Variants in SLC10A7 observed in about 807,000 individuals in gnomAD.
SLC10A7 encodes solute carrier family 10 member 7, also known as sodium/bile acid cotransporter 7.
Under a neutral mutation model 43.2 loss-of-function variants are expected in SLC10A7, and 29 were observed. That is an observed-to-expected ratio of 0.67 (90% confidence interval 0.50 to 0.92). The LOEUF is 0.92. Among genes scored for constraint, SLC10A7 ranks in the 40% least tolerant of loss-of-function variants. SLC10A7 has a pLI of 0.00. For synonymous variants in SLC10A7, 152 were observed against 144.8 expected (o/e 1.05, Z -0.35); for missense variants, 295 against 403.2 (o/e 0.73, Z 2.30).
intron 5 of SLC10A7, among the ~76,000 whole-genome samples, chr4:146,380,684 T>G (rs937632547): frequency 6.6e-6 from 1 of 152,114 alleles, no homozygotes; most frequent in African/African-American, 2.4e-5. Flanking sequence ...TGAAATGAAT[T>G]CATTTGATTC....
At chr4:146,359,842 T>C (rs775678546) in intron 5 of SLC10A7, among the ~76,000 whole-genome samples, 77 of 152,192 alleles carry the variant, frequency 5.1e-4, no homozygotes, top group Non-Finnish European at 5.3e-4. Context: ...GATGTACTTC[T>C]ATTATAATTT....
At chr4:146,521,354 C>T (rs1738633318) in intron 1 of SLC10A7, among the ~76,000 whole-genome samples, 1 of 152,186 alleles carries the variant, frequency 6.6e-6, no homozygotes, top group African/African-American at 2.4e-5. Flanking sequence ...GTTTCATTCT[C>T]TGTAACCTCA....
intron 5 of SLC10A7, among the ~76,000 whole-genome samples, chr4:146,385,644 T>C (rs2149796345): frequency 6.6e-6 from 1 of 152,282 alleles, no homozygotes; most frequent in South Asian, 2.1e-4. Flanking sequence ...CACATGCAGG[T>C]TTGTTACCTG....
At chr4:146,489,297 G>C (rs780084144) in intron 4 of SLC10A7, among the ~76,000 whole-genome samples, 20 of 152,218 alleles carry the variant, frequency 1.3e-4, no homozygotes, top group Non-Finnish European at 2.4e-4. Context: ...GAGAAGGGCA[G>C]AGAAGGGAGG....
intron 4 of SLC10A7, among the ~76,000 whole-genome samples, chr4:146,475,605 CT>C (rs1171109961): frequency 1.3e-5 from 2 of 152,180 alleles, no homozygotes; most frequent in Non-Finnish European, 2.9e-5. Context: ...CAACCTCAGC[CT>C]CTTGGACAAC....
chr4:146,335,619 T>C lies in SLC10A7; in HGVS notation c.436-9623A>G, dbSNP rs75520923. 1.2e-3 allele frequency among the ~76,000 whole-genome samples: 175 copies of C among 152,164 alleles called. 1 individual carries two copies. In the East Asian group the frequency reaches 0.02, roughly 17 times the overall value. On this transcript the variant is annotated intron_variant, in intron 5 of 11. Transcript: ENST00000335472. Reference sequence around the variant, plus strand: ...CTGTCCCGCAGACCAACCCAGTTGATATTGGTCATCTAAACATATGAGTTA... The same window carrying C: ...CTGTCCCGCAGACCAACCCAGTTGACATTGGTCATCTAAACATATGAGTTA...
chr4:146,388,667 G>A (rs1410650611), intron 5 of SLC10A7, among the ~76,000 whole-genome samples: 1 of 151,934 alleles, frequency 6.6e-6, no homozygotes, highest in Admixed American at 6.6e-5. Flanking sequence ...GCTGAGGCAG[G>A]AGAATGGCGT....
intron 5 of SLC10A7, chr4:146,441,907 G>A (rs1403927766): frequency 2.0e-6 from 2 of 982,226 alleles, no homozygotes; most frequent in African/African-American, 3.5e-5. Context: ...AATTAACAGA[G>A]CATTTTAAAC....
intron 4 of SLC10A7, among the ~76,000 whole-genome samples, chr4:146,447,225 T>C (rs1185359898): frequency 6.6e-6 from 1 of 152,194 alleles, no homozygotes; most frequent in African/African-American, 2.4e-5. Context: ...CAGAGCAGTA[T>C]GACTGTAAAC....
At chr4:146,352,462 C>T (rs1184901269) in intron 5 of SLC10A7, among the ~76,000 whole-genome samples, 8 of 140,636 alleles carry the variant, frequency 5.7e-5, no homozygotes, top group African/African-American at 2.1e-4. Flanking sequence ...CCACTGTCAA[C>T]ATTAGACAGA....
intron 4 of SLC10A7, among the ~76,000 whole-genome samples, chr4:146,463,731 AC>A (rs1732746542): frequency 6.6e-6 from 1 of 151,766 alleles, no homozygotes; most frequent in Admixed American, 6.6e-5. Flanking sequence ...ACAGAGCAAG[AC>A]CCTGTCTTAA....
chr4:146,343,971 G>A (rs955506190), intron 5 of SLC10A7, among the ~76,000 whole-genome samples: 32 of 151,942 alleles, frequency 2.1e-4, no homozygotes, highest in African/African-American at 7.3e-4. Context: ...TTTAAATGAT[G>A]CATCATTCCA....
intron 5 of SLC10A7, among the ~76,000 whole-genome samples, chr4:146,361,631 A>G (rs1015626729): frequency 1.3e-5 from 2 of 152,206 alleles, no homozygotes; most frequent in African/African-American, 4.8e-5. Context: ...AAACAGGTCC[A>G]GACTGTGAAG....
intron 10 of SLC10A7, among the ~76,000 whole-genome samples, chr4:146,274,200 C>CTTTT (rs35963098): frequency 3.4e-5 from 4 of 118,538 alleles, no homozygotes; most frequent in African/African-American, 6.6e-5. Flanking sequence ...TCAGATTATA[C>CTTTT]TTTTTTTTTT....
chr4:146,386,496 T>C (rs1311418349), intron 5 of SLC10A7, among the ~76,000 whole-genome samples: 1 of 152,210 alleles, frequency 6.6e-6, no homozygotes, highest in Non-Finnish European at 1.5e-5. Context: ...CTCTGTTACT[T>C]GCAAACTGTG....
At chr4:146,267,632 C>T (rs755863867) in intron 10 of SLC10A7, among the ~76,000 whole-genome samples, 1 of 152,118 alleles carries the variant, frequency 6.6e-6, no homozygotes, top group Non-Finnish European at 1.5e-5. Context: ...TAAAAACTGC[C>T]AAATTCTTTG....
chr4:146,424,194 A>G (rs559566835), intron 5 of SLC10A7, among the ~76,000 whole-genome samples: 3 of 152,284 alleles, frequency 2.0e-5, no homozygotes, highest in African/African-American at 7.2e-5. Context: ...TGGGACTACA[A>G]GCGGGCAACA....
intron 2 of SLC10A7, among the ~76,000 whole-genome samples, chr4:146,513,593 C>G (rs1247049798): frequency 6.6e-6 from 1 of 152,156 alleles, no homozygotes; most frequent in Admixed American, 6.5e-5. Flanking sequence ...GCCATTGCAT[C>G]AGAATGATGG....
intron 5 of SLC10A7, among the ~76,000 whole-genome samples, chr4:146,355,161 G>A (rs1026778071): frequency 5.3e-5 from 8 of 150,070 alleles, no homozygotes; most frequent in Non-Finnish European, 1.0e-4. Context: ...CTAATATCCA[G>A]AATCTACAAT....
Sources: gnomAD v4.1 joint callset for allele counts (sites outside exome capture counted in the v4.1 genomes callset) on GRCh38, gnomAD v4.1.1 for gene constraint, MANE v1.5 for transcripts, NCBI Gene and HGNC (gene_info 2026-07-23, HGNC 2026-07-21) for gene names.